Variants in PALLD observed in about 807,000 individuals in gnomAD.
The protein encoded by PALLD is palladin.
In PALLD, 61 loss-of-function variants were observed where a neutral mutation model predicts 123.5. The ratio of observed to expected loss-of-function variants is 0.49; its 90% CI spans 0.40 to 0.61. The LOEUF is 0.61. PALLD is among the 20% of genes least tolerant of loss of function. The pLI, the probability that PALLD is intolerant of heterozygous loss-of-function variation, is 0.00. For synonymous variants in PALLD, 465 were observed against 496.4 expected (o/e 0.94, Z 0.84); for missense variants, 1,273 against 1,377.0 (o/e 0.92, Z 1.20).
chr4:168,690,867 A>G, intron 7 of PALLD, 123 bp downstream of exon 7: 2 of 1,018,498 alleles, frequency 2.0e-6, no homozygotes, highest in Admixed American at 1.7e-5. Context: ...GCAGGATCAG[A>G]TAATCTACAG....
At chr4:168,833,252 G>A (rs1037053190) in intron 10 of PALLD, among the ~76,000 whole-genome samples, 156 of 152,196 alleles carry the variant, frequency 1.0e-3, no homozygotes, top group African/African-American at 3.5e-3. Context: ...GGCAGGAGAG[G>A]GGGCGTCTCG....
chr4:168,832,319 C>A (rs986050242), intron 10 of PALLD: 3 of 543,840 alleles, frequency 5.5e-6, no homozygotes, highest in African/African-American at 4.1e-5. Flanking sequence ...GCGCACTTTC[C>A]ACCCGGCCGG....
chr4:168,909,959 T>G (rs977941308), intron 15 of PALLD, among the ~76,000 whole-genome samples: 9 of 152,176 alleles, frequency 5.9e-5, no homozygotes, highest in Non-Finnish European at 1.3e-4. Context: ...TAGTAATATA[T>G]TTAGCCAATA....
intron 10 of PALLD, among the ~76,000 whole-genome samples, chr4:168,714,342 C>T (rs532606902): frequency 1.3e-5 from 2 of 152,274 alleles, no homozygotes; most frequent in South Asian, 2.1e-4. Flanking sequence ...GTGCTCTTTG[C>T]TTCCCCATTT....
At chr4:168,719,653 G>C (rs926803579) in intron 10 of PALLD, among the ~76,000 whole-genome samples, 13 of 152,068 alleles carry the variant, frequency 8.5e-5, no homozygotes, top group Admixed American at 6.5e-4. Context: ...ACAGGGGTTT[G>C]GTGTACAGAT....
intron 13 of PALLD, chr4:168,898,145 C>T (rs964395737): frequency 1.2e-5 from 4 of 325,808 alleles, no homozygotes; most frequent in South Asian, 2.9e-5. Flanking sequence ...ATCAGCGTTC[C>T]ATTATATTTT....
chr4:168,561,037 G>A (rs1389764854), intron 2 of PALLD, among the ~76,000 whole-genome samples: 4 of 152,122 alleles, frequency 2.6e-5, no homozygotes, highest in Non-Finnish European at 5.9e-5. Context: ...AGGCATTTCA[G>A]TGCCTGTTAT....
chr4:168,643,416 C>A (rs1247468601), intron 2 of PALLD, among the ~76,000 whole-genome samples: 1 of 152,132 alleles, frequency 6.6e-6, no homozygotes, highest in African/African-American at 2.4e-5. Flanking sequence ...CCAAAATGTC[C>A]CTGTTTAAGA....
chr4:168,631,387 G>A (rs1775784025), intron 2 of PALLD, among the ~76,000 whole-genome samples: 1 of 152,246 alleles, frequency 6.6e-6, no homozygotes, highest in Non-Finnish European at 1.5e-5. Context: ...ACAGCTGAAT[G>A]GGGAGTGGCT....
chr4:168,663,723 C>T (rs1779348104), intron 2 of PALLD, among the ~76,000 whole-genome samples: 1 of 152,106 alleles, frequency 6.6e-6, no homozygotes, highest in Non-Finnish European at 1.5e-5. Context: ...AATAATTAAC[C>T]TCATTCATTT....
At chr4:168,761,645 G>GTTTTTTTTTTTTTGTTTT in intron 10 of PALLD, among the ~76,000 whole-genome samples, 1 of 88,024 alleles carries the variant, frequency 1.1e-5, no homozygotes, top group African/African-American at 4.1e-5. Context: ...GTTGTTGTTT[G>GTTTTTTTTTTTTTGTTTT]TTTTTTTTTT....
At chr4:168,556,855 A>T (rs1342725639) in intron 2 of PALLD, among the ~76,000 whole-genome samples, 1 of 145,776 alleles carries the variant, frequency 6.9e-6, no homozygotes, top group Admixed American at 6.9e-5. Flanking sequence ...TACTCTCGTG[A>T]CTAAGGCATG....
intron 2 of PALLD, among the ~76,000 whole-genome samples, chr4:168,514,266 C>T (rs1293353301): frequency 1.3e-5 from 2 of 152,180 alleles, no homozygotes; most frequent in Non-Finnish European, 2.9e-5. Context: ...TGATCCTTTG[C>T]TCACTAACAC....
At chr4:168,759,201 AAATATATATATATATATATATATATATAT>A (rs1264100480) in intron 10 of PALLD, among the ~76,000 whole-genome samples, 1 of 34,530 alleles carries the variant, frequency 2.9e-5, no homozygotes, top group Non-Finnish European at 5.6e-5. Context: ...AAAAAAAAAA[AAATATATATATATATATATATATATATAT>A]ATATATATAT....
At chr4:168,831,715 G>A (rs137977930) in intron 10 of PALLD, among the ~76,000 whole-genome samples, 2 of 152,004 alleles carry the variant, frequency 1.3e-5, no homozygotes, top group Non-Finnish European at 2.9e-5. Flanking sequence ...ACACTCTTTA[G>A]TCTGTAAAGG....
intron 10 of PALLD, among the ~76,000 whole-genome samples, chr4:168,735,886 A>G (rs532668204): frequency 6.6e-6 from 1 of 152,168 alleles, no homozygotes; most frequent in Non-Finnish European, 1.5e-5. Flanking sequence ...CCACATTTGC[A>G]AATTACTTTC....
At chr4:168,913,701 C>CA (rs932821016) in intron 15 of PALLD, among the ~76,000 whole-genome samples, 2 of 151,406 alleles carry the variant, frequency 1.3e-5, no homozygotes, top group African/African-American at 4.9e-5. Context: ...TTAAGAGTTC[C>CA]AAAAAAAGAC....
At position 168,894,637 on chromosome 4, in the gene PALLD, T is replaced by C; in HGVS notation, c.2159T>C (p.Val720Ala). 1 of 1,613,826 alleles carries C rather than the reference T, an allele frequency of 6.2e-7. No individual in the cohort carries two copies. Among genetic ancestry groups the C allele is most frequent in the Non-Finnish European group, 8.5e-7 (1 of 1,179,802 alleles). ...RRLLGADSAT[V>A]FNIQEPEEET... ...CTGCTAGGTGCTGACAGTGCAACTG[T>C]CTTTAATATTCAGGAGCCAGAAGAG... Residue 720 changes from valine to alanine, a missense_variant, in exon 12 of 22, where the codon GTC becomes GCC. By Grantham distance (64) the Val-to-Ala change is moderately conservative. Transcript: ENST00000505667.
intron 2 of PALLD, among the ~76,000 whole-genome samples, chr4:168,611,083 A>T (rs778146419): frequency 2.0e-5 from 3 of 152,222 alleles, no homozygotes; most frequent in Non-Finnish European, 4.4e-5. Flanking sequence ...ATTACATACC[A>T]GGAGGCTCTG....
Sources: gnomAD v4.1 joint callset for allele counts (sites outside exome capture counted in the v4.1 genomes callset) on GRCh38, gnomAD v4.1.1 for gene constraint, MANE v1.5 for transcripts, NCBI Gene and HGNC (gene_info 2026-07-23, HGNC 2026-07-21) for gene names.